CLPB: variants seen among roughly 807,000 people sequenced by gnomAD.
The protein encoded by CLPB is ClpB family mitochondrial disaggregase.
A neutral mutation model predicts 78.4 loss-of-function variants in CLPB; 40 were observed. That is an observed-to-expected ratio of 0.51 (90% CI 0.40 to 0.66). The LOEUF (loss-of-function observed/expected upper bound fraction) is 0.66. CLPB is among the 30% of genes least tolerant of loss of function. The pLI is 0.00. For missense variants in CLPB, 780 were observed against 886.9 expected (o/e 0.88, Z 1.53); for synonymous variants, 333 against 348.0 (o/e 0.96, Z 0.48).
rs930726551 is a variant in CLPB, at chr11:72,293,229, A to G, written c.*138T>C. 3.6e-6 allele frequency: 4 copies of G among 1,097,492 alleles called. No individual in the cohort carries two copies. The highest frequency in any genetic ancestry group is 3.2e-5 in the African/African-American group (2 of 63,140). 68.0% of individuals were successfully genotyped at this position (1,097,492 alleles called of 1,614,324 possible). ...GTTTTGGGGCTGAGAAGGGGTCTTCATGGGCTGTGAGGAGGTAAGCAGGCC... is the reference window on the plus strand; with the variant it reads ...GTTTTGGGGCTGAGAAGGGGTCTTCGTGGGCTGTGAGGAGGTAAGCAGGCC... On this transcript the variant is annotated 3_prime_UTR_variant, in exon 16 of 16. Transcript: ENST00000538039.
At chr11:72,296,260 TA>T (rs1949549485) in intron 11 of CLPB, among the ~76,000 whole-genome samples, 3 of 152,218 alleles carry the variant, frequency 2.0e-5, no homozygotes, top group African/African-American at 4.8e-5. Flanking sequence ...TAGTAGGTGA[TA>T]TATAATGAAA....
intron 2 of CLPB, among the ~76,000 whole-genome samples, chr11:72,406,032 C>T (rs1855700039): frequency 6.6e-6 from 1 of 152,110 alleles, no homozygotes; most frequent in African/African-American, 2.4e-5. Context: ...CTTAGCTTCC[C>T]ACCAAAGGCA....
chr11:72,417,498 G>A (rs569765539), intron 2 of CLPB, among the ~76,000 whole-genome samples: 1 of 152,300 alleles, frequency 6.6e-6, no homozygotes, highest in East Asian at 1.9e-4. Context: ...TGGGGTGGGA[G>A]AGTGATAGAA....
Position 72,317,129 on chromosome 11 carries a change from C to A in CLPB, c.965G>T (p.Ser322Ile), listed in dbSNP as rs1332349472. 1 of 1,611,576 alleles carries A rather than the reference C, an allele frequency of 6.2e-7. No individual in the cohort carries two copies. ...RLKEHIIGQE[S>I]AIATVGAAIR... ...ACCAGCACCCACTGTGGCGATGGCG[C>A]TCTCCTGGCCAATGATGTGCTCCTT... Residue 322 changes from serine to isoleucine, a missense_variant, in exon 7 of 16, where the codon AGC (serine) becomes ATC (isoleucine). Ser to Ile is a moderately radical substitution (Grantham distance 142). Transcript: ENST00000538039.
At chr11:72,341,257 C>T (rs1323857910) in intron 5 of CLPB, among the ~76,000 whole-genome samples, 2 of 152,038 alleles carry the variant, frequency 1.3e-5, no homozygotes, top group Admixed American at 6.6e-5. Flanking sequence ...AACAGGGAGC[C>T]GGCTACCCTA....
chr11:72,407,937 G>A (rs112628189), intron 2 of CLPB, among the ~76,000 whole-genome samples: 18 of 151,936 alleles, frequency 1.2e-4, no homozygotes, highest in African/African-American at 1.7e-4. Context: ...ATGAGCCACC[G>A]CGCCCAGCCT....
chr11:72,360,446 A>ATT (rs953252999), intron 4 of CLPB, among the ~76,000 whole-genome samples: 1 of 147,258 alleles, frequency 6.8e-6, no homozygotes, highest in African/African-American at 2.5e-5. Context: ...ATACTAATAG[A>ATT]TTTTTTTTTT....
intron 3 of CLPB, among the ~76,000 whole-genome samples, chr11:72,390,530 A>G (rs998412071): frequency 2.6e-5 from 4 of 152,148 alleles, no homozygotes; most frequent in Admixed American, 6.5e-5. Flanking sequence ...GCCAATTCCT[A>G]GAGGAGGAAA....
chr11:72,433,505 A>T (rs1330274428), intron 1 of CLPB, among the ~76,000 whole-genome samples: 1 of 151,730 alleles, frequency 6.6e-6, no homozygotes, highest in Non-Finnish European at 1.5e-5. Context: ...GCGCCACTGC[A>T]CTCCAGCTTG....
chr11:72,348,850 T>C (rs1233586602), intron 5 of CLPB, among the ~76,000 whole-genome samples: 7 of 152,230 alleles, frequency 4.6e-5, no homozygotes, highest in Non-Finnish European at 8.8e-5. Flanking sequence ...ACCTATCATA[T>C]GCTAAGGACA....
intron 7 of CLPB, among the ~76,000 whole-genome samples, chr11:72,311,240 G>C (rs949210554): frequency 6.6e-6 from 1 of 152,106 alleles, no homozygotes; most frequent in African/African-American, 2.4e-5. Context: ...AAGGCTATGG[G>C]CCTTGAGGAT....
rs1408854487 is a variant in CLPB, at chr11:72,290,957, A to C, written c.*2410T>G. On this transcript the variant is annotated 3_prime_UTR_variant, in exon 16 of 16. Coordinates refer to ENST00000538039, the MANE Select transcript of CLPB (RefSeq NM_001258392.3). ...GGGACTCCGTCTCAAAAAAAAAAAA[A>C]AAACCAAAACAAAAAGTTACCACCA... 1 of 151,932 alleles carries C rather than the reference A, an allele frequency of 6.6e-6. No homozygotes were observed. Among genetic ancestry groups the C allele is most frequent in the Non-Finnish European group, 1.5e-5 (1 of 67,984 alleles). The allele number at this position is 151,932 out of a possible 1,614,324, so 9.4% of individuals were successfully genotyped here.
intron 2 of CLPB, among the ~76,000 whole-genome samples, chr11:72,415,209 C>T (rs946677880): frequency 4.0e-5 from 6 of 151,696 alleles, no homozygotes; most frequent in African/African-American, 1.5e-4. Context: ...AGTGAGACTC[C>T]GTCTCAAAAA....
chr11:72,410,957 C>T (rs1855859815), intron 2 of CLPB: 1 of 151,826 alleles, frequency 6.6e-6, no homozygotes, highest in Non-Finnish European at 1.5e-5. Flanking sequence ...ATAAAACTTT[C>T]TTAGGAAAAA....
intron 2 of CLPB, among the ~76,000 whole-genome samples, chr11:72,412,337 A>G (rs1360126710): frequency 6.6e-6 from 1 of 152,152 alleles, no homozygotes; most frequent in African/African-American, 2.4e-5. Context: ...ACTCCAAGGG[A>G]GTGAGAGCAG....
chr11:72,434,195 G>A lies in CLPB; in HGVS notation c.280C>T (p.Pro94Ser), dbSNP rs1856638823. Residue 94 changes from proline (P) to serine (S), a missense_variant, in exon 1 of 16, where the codon CCC (proline) becomes TCC (serine). This residue lies in a region of CLPB where 417 missense variants were observed against 414.7 expected (regional missense o/e 1.01). Coordinates refer to ENST00000538039, the MANE Select transcript of CLPB (RefSeq NM_001258392.3). Reference sequence around the variant, plus strand: ...TCCTGTCCTGGGAGTGTTTCTTCGGGACCAGGAAGGCGTCCCCAAGTGGCA... The same window carrying A: ...TCCTGTCCTGGGAGTGTTTCTTCGGAACCAGGAAGGCGTCCCCAAGTGGCA... ...AAATWGRLPGPEETLPGQDSW... is the reference protein window; with the variant it reads ...AAATWGRLPGSEETLPGQDSW... 6.2e-7 allele frequency: 1 copy of A among 1,613,356 alleles called. No homozygotes were observed. Among genetic ancestry groups the A allele is most frequent in the Admixed American group, 1.7e-5 (1 of 60,012 alleles).
chr11:72,365,751 CCA>C (rs1810868087), intron 4 of CLPB, among the ~76,000 whole-genome samples: 1 of 152,122 alleles, frequency 6.6e-6, no homozygotes, highest in Non-Finnish European at 1.5e-5. Flanking sequence ...AGAAATAAAG[CCA>C]CACACCTATA....
At chr11:72,342,166 G>A (rs549237677) in intron 5 of CLPB, among the ~76,000 whole-genome samples, 5 of 152,300 alleles carry the variant, frequency 3.3e-5, no homozygotes, top group African/African-American at 1.2e-4. Context: ...ACGCATTGAG[G>A]ATGAGAGATG....
chr11:72,393,898 T>A (rs1855326255), intron 3 of CLPB, among the ~76,000 whole-genome samples: 1 of 152,196 alleles, frequency 6.6e-6, no homozygotes, highest in African/African-American at 2.4e-5. Flanking sequence ...ATGTCCCCTA[T>A]TTTTTCACCC....
Sources: gnomAD v4.1 joint callset for allele counts (sites outside exome capture counted in the v4.1 genomes callset) on GRCh38, gnomAD v4.1.1 for gene constraint, gnomAD v4.1.1 regional missense constraint, MANE v1.5 for transcripts, NCBI Gene and HGNC (gene_info 2026-07-23, HGNC 2026-07-21) for gene names.